The following COL8A1 variants were observed in gnomAD, a reference collection of about 807,000 sequenced individuals.
COL8A1 encodes collagen type VIII alpha 1 chain.
In COL8A1, 21 loss-of-function variants were observed where a neutral mutation model predicts 42.7. The observed-to-expected ratio is 0.49, with a 90% CI of 0.35 to 0.71. The LOEUF (loss-of-function observed/expected upper bound fraction) is 0.71. COL8A1 is among the 30% of genes least tolerant of loss of function. The pLI is 0.01. For missense variants in COL8A1, 788 were observed against 962.4 expected, an observed-to-expected ratio of 0.82 and a Z score of 2.40; for synonymous variants, 367 against 369.1, an observed-to-expected ratio of 0.99 and a Z score of 0.06.
At chr3:99,740,415 A>G (rs1198333676) in intron 1 of COL8A1, among the ~76,000 whole-genome samples, 3 of 152,184 alleles carry the variant, frequency 2.0e-5, no homozygotes, top group Non-Finnish European at 1.5e-5. Flanking sequence ...GGTTTAATTG[A>G]CTCACAGTTC....
At chr3:99,717,446 G>A (rs1940029857) in intron 1 of COL8A1, among the ~76,000 whole-genome samples, 1 of 151,962 alleles carries the variant, frequency 6.6e-6, no homozygotes, top group Non-Finnish European at 1.5e-5. Context: ...TAATCTAAGA[G>A]AATCTAGGCT....
intron 2 of COL8A1, among the ~76,000 whole-genome samples, chr3:99,787,857 TAC>T (rs76817799): frequency 2.7e-5 from 4 of 148,784 alleles, no homozygotes; most frequent in Non-Finnish European, 3.0e-5. Context: ...AGAACACAAA[TAC>T]ACACACACAC....
At chr3:99,719,473 G>T (rs933580678) in intron 1 of COL8A1, among the ~76,000 whole-genome samples, 1 of 152,084 alleles carries the variant, frequency 6.6e-6, no homozygotes, top group Non-Finnish European at 1.5e-5. Context: ...GCAAGACAGA[G>T]TCCTAATTTT....
At chr3:99,771,791 C>A (rs898122657) in intron 2 of COL8A1, among the ~76,000 whole-genome samples, 34 of 152,082 alleles carry the variant, frequency 2.2e-4, no homozygotes, top group Admixed American at 9.2e-4. Context: ...TTAGCTCACC[C>A]CCTCTGTAGG....
chr3:99,707,555 AAG>A (rs1200908118), intron 1 of COL8A1, among the ~76,000 whole-genome samples: 9 of 152,140 alleles, frequency 5.9e-5, no homozygotes, highest in Non-Finnish European at 1.0e-4. Context: ...TGTTTAGGAA[AAG>A]GTCACTGGGC....
chr3:99,789,300 A>T (rs1369846145), intron 2 of COL8A1, among the ~76,000 whole-genome samples: 1 of 152,210 alleles, frequency 6.6e-6, no homozygotes. Context: ...AGAAGATGGA[A>T]ATTGAATTAT....
chr3:99,648,552 AAAC>A (rs1284277193), intron 1 of COL8A1, among the ~76,000 whole-genome samples: 3 of 152,056 alleles, frequency 2.0e-5, no homozygotes, highest in Non-Finnish European at 4.4e-5. Context: ...AACAAACAAA[AAAC>A]AAAACAAAAC....
chr3:99,790,696 C>A lies in COL8A1; in HGVS notation c.14C>A (p.Pro5His), dbSNP rs779290263. MAVLPGPLQLLGVLL... is the reference protein window; with the variant it reads MAVLHGPLQLLGVLL... ...CTCCCACAGGTGATGGCTGTGCTGC[C>A]TGGCCCTCTGCAGCTGCTGGGAGTG... The change falls in exon 3 of 4, where the codon CCT becomes CAT. Residue 5 changes from proline to histidine, a missense_variant. Physicochemically the swap from Pro to His is moderately conservative, Grantham distance 77 (BLOSUM62 -2). Transcript: ENST00000652472. 3.7e-6 allele frequency: 6 copies of A among 1,613,864 alleles called. No individual in the cohort carries two copies. The Admixed American group carries it at 6.7e-5, about 18-fold the overall frequency.
chr3:99,774,722 C>T (rs1271569993), intron 2 of COL8A1, among the ~76,000 whole-genome samples: 1 of 152,192 alleles, frequency 6.6e-6, no homozygotes, highest in Admixed American at 6.5e-5. Flanking sequence ...GTGAACTCCT[C>T]AGCTAGGCAA....
At chr3:99,757,884 C>T (rs1397469114) in intron 2 of COL8A1, among the ~76,000 whole-genome samples, 2 of 152,122 alleles carry the variant, frequency 1.3e-5, no homozygotes, top group Non-Finnish European at 2.9e-5. Flanking sequence ...CAGCATGAAT[C>T]TATCCTTGTA....
chr3:99,791,516 T>G (rs1347235639), intron 3 of COL8A1, among the ~76,000 whole-genome samples: 1 of 152,370 alleles, frequency 6.6e-6, no homozygotes, highest in African/African-American at 2.4e-5. Context: ...TAATTACATA[T>G]GTCAATCAAT....
At chr3:99,770,319 C>G (rs1176033696) in intron 2 of COL8A1, among the ~76,000 whole-genome samples, 1 of 152,152 alleles carries the variant, frequency 6.6e-6, no homozygotes, top group African/African-American at 2.4e-5. Context: ...CTTCTTGCTT[C>G]TGAGGTTTTC....
chr3:99,685,663 A>T (rs1426905629), intron 1 of COL8A1: 2 of 152,074 alleles, frequency 1.3e-5, no homozygotes, highest in Non-Finnish European at 2.9e-5. Context: ...AGTGTAAATG[A>T]TTTTGTTTTC....
intron 1 of COL8A1, among the ~76,000 whole-genome samples, chr3:99,718,733 A>G (rs1940070925): frequency 6.6e-6 from 1 of 152,102 alleles, no homozygotes; most frequent in Non-Finnish European, 1.5e-5. Context: ...AAGATAAATG[A>G]TATGGAATGT....
intron 1 of COL8A1, among the ~76,000 whole-genome samples, chr3:99,731,875 CA>C (rs1377781482): frequency 1.3e-5 from 2 of 152,088 alleles, no homozygotes; most frequent in Admixed American, 1.3e-4. Context: ...AGACAACACT[CA>C]TGAACAATTA....
At position 99,695,583 on chromosome 3, in the gene COL8A1, ACTCTCTCT is replaced by A. The variant is rs143385956; in HGVS notation, c.-128-49304_-128-49297del. On this transcript the variant is annotated intron_variant, in intron 1 of 3. Coordinates refer to ENST00000652472, the MANE Select transcript of COL8A1 (RefSeq NM_020351.4). ...TTCTCCTTCCCTCCCTCTTTCTCTTACTCTCTCTCTCTCTCTCCGTCTTTCCCTCCTTC... is the reference window on the plus strand; with the variant it reads ...TTCTCCTTCCCTCCCTCTTTCTCTTACTCTCTCTCCGTCTTTCCCTCCTTC... Among the ~76,000 whole-genome samples the A allele has an allele frequency of 4.2e-5, 6 of 142,256 alleles. No homozygotes were observed. The South Asian group carries it at 1.4e-3, about 32-fold the overall frequency. The allele number at this position is 142,256 out of a possible 152,430, so 93.3% of individuals were successfully genotyped here.
intron 1 of COL8A1, among the ~76,000 whole-genome samples, chr3:99,671,104 A>T (rs971025627): frequency 4.6e-5 from 7 of 152,066 alleles, no homozygotes; most frequent in Non-Finnish European, 8.8e-5. Flanking sequence ...AAAAATTTTT[A>T]AAAGAATATG....
chr3:99,777,177 G>C (rs1941710274), intron 2 of COL8A1, among the ~76,000 whole-genome samples: 1 of 152,138 alleles, frequency 6.6e-6, no homozygotes. Context: ...ATTCAAGATG[G>C]AGTTGCTCTG....
intron 1 of COL8A1, among the ~76,000 whole-genome samples, chr3:99,712,434 T>C (rs1166927663): frequency 6.6e-6 from 1 of 152,134 alleles, no homozygotes; most frequent in African/African-American, 2.4e-5. Context: ...TTCAGTTTAT[T>C]GTGATTCTTT....
Sources: allele counts gnomAD v4.1 joint callset (sites outside exome capture counted in the v4.1 genomes callset), GRCh38; gene constraint gnomAD v4.1.1; transcripts MANE v1.5; gene names NCBI Gene and HGNC (gene_info 2026-07-23, HGNC 2026-07-21).